The following WDR17 variants were observed in gnomAD, a reference collection of about 807,000 sequenced individuals.
WDR17 encodes WD repeat-containing protein 17.
Under a neutral mutation model 161.7 loss-of-function variants are expected in WDR17, and 143 were observed. The ratio of observed to expected loss-of-function variants is 0.88; its 90% CI spans 0.77 to 1.02. The LOEUF is 1.02. Among genes scored for constraint, WDR17 ranks in the 50% least tolerant of loss-of-function variants. WDR17 has a pLI of 0.00. For synonymous variants in WDR17, 517 were observed against 515.6 expected, an observed-to-expected ratio of 1.00 and a Z score of -0.04; for missense variants, 1,469 against 1,520.9, an observed-to-expected ratio of 0.97 and a Z score of 0.57.
At chr4:176,079,639 A>G (rs557001723) in intron 1 of WDR17, among the ~76,000 whole-genome samples, 2 of 152,234 alleles carry the variant, frequency 1.3e-5, no homozygotes, top group African/African-American at 2.4e-5. Context: ...ATACCTACAT[A>G]CATATGTTGT....
chr4:176,151,895 G>C lies in WDR17; in HGVS notation c.2388G>C (p.Lys796Asn). 1.2e-6 allele frequency: 2 copies of C among 1,613,368 alleles called. No homozygotes were observed. Among genetic ancestry groups the C allele is most frequent in the East Asian group, 4.5e-5 (2 of 44,798 alleles). The part of the protein sequence containing the change: ...IGVPAKEERL[K>N]EAAEIHLRLG... The stretch of plus-strand genomic sequence containing the variant: ...TACCTGCTAAAGAGGAAAGACTGAA[G>C]GAAGCTGCTGAAATCCACTTGAGAT... Residue 796 changes from lysine to asparagine, a missense_variant, in exon 17 of 29, where the codon AAG becomes AAC. Physicochemically the swap from Lys to Asn is moderately conservative, Grantham distance 94. Coordinates refer to ENST00000508596, the MANE Select transcript of WDR17 (RefSeq NM_181265.4).
intron 1 of WDR17, among the ~76,000 whole-genome samples, chr4:176,099,524 A>C (rs2126654448): frequency 6.6e-6 from 1 of 152,224 alleles, no homozygotes; most frequent in East Asian, 1.9e-4. Flanking sequence ...TGCTTCCAGC[A>C]GGGGGAGGGG....
intron 4 of WDR17, among the ~76,000 whole-genome samples, chr4:176,121,078 T>C (rs1741503112): frequency 6.6e-6 from 1 of 152,182 alleles, no homozygotes; most frequent in Non-Finnish European, 1.5e-5. Context: ...CTCTCTCAGC[T>C]CTTTGTACAC....
chr4:176,179,643 C>T lies in WDR17; in HGVS notation c.*64C>T. 7.1e-7 allele frequency: 1 copy of T among 1,416,292 alleles called. No individual in the cohort carries two copies. The highest frequency in any genetic ancestry group is 1.8e-5 in the South Asian group (1 of 55,272). The allele number at this position is 1,416,292 out of a possible 1,614,324, so 87.7% of individuals were successfully genotyped here. On this transcript the variant is annotated 3_prime_UTR_variant, in exon 29 of 29. Transcript: ENST00000508596. ...GAAAAACTTTCATGGGTTAGCATTA[C>T]CTTAATCTTTGTTGCTCAAGTGCCA...
At chr4:176,166,677 A>G (rs1305806778) in intron 22 of WDR17, among the ~76,000 whole-genome samples, 1 of 152,190 alleles carries the variant, frequency 6.6e-6, no homozygotes, top group East Asian at 1.9e-4. Context: ...TATTTTATAC[A>G]CAGTAAAAAC....
chr4:176,080,733 C>T (rs1427536912), intron 1 of WDR17, among the ~76,000 whole-genome samples: 2 of 152,052 alleles, frequency 1.3e-5, no homozygotes, highest in Admixed American at 6.6e-5. Flanking sequence ...TGCTTGAGAA[C>T]GTTCTCCTTT....
intron 22 of WDR17, among the ~76,000 whole-genome samples, chr4:176,165,644 T>C (rs1749668790): frequency 2.0e-5 from 3 of 152,114 alleles, no homozygotes; most frequent in Non-Finnish European, 4.4e-5. Flanking sequence ...ATTAAGAAAA[T>C]CGTAAGGAAG....
In WDR17 at chr4:176,137,540, G is replaced by A. The variant is rs1175232579; in HGVS notation, c.1288G>A (p.Gly430Arg). Residue 430 changes from glycine (G) to arginine (R), a missense_variant, in exon 9 of 29, where the codon GGG becomes AGG. Coordinates refer to ENST00000508596, the MANE Select transcript of WDR17 (RefSeq NM_181265.4). The stretch of plus-strand genomic sequence containing the variant: ...CTAAGGTGGTTTAAATTGTATTGCT[G>A]GGGGAACTTCCCGAAATGGTGCTTT... ...WAPGGLNCIA[G>R]GTSRNGAFIW... 1 of 1,601,660 alleles carries A rather than the reference G, an allele frequency of 6.2e-7. No individual in the cohort carries two copies.
intron 23 of WDR17, 142 bp downstream of exon 23, chr4:176,168,925 T>A: frequency 1.2e-6 from 1 of 852,678 alleles, no homozygotes; most frequent in Non-Finnish European, 1.7e-6. Context: ...AAAAGTGTTG[T>A]ACAATAGGAA....
At chr4:176,089,179 A>G (rs1298381084) in intron 1 of WDR17, among the ~76,000 whole-genome samples, 12 of 152,110 alleles carry the variant, frequency 7.9e-5, no homozygotes, top group Admixed American at 7.9e-4. Context: ...AATGTTTTAT[A>G]GCAGCAAAAT....
intron 3 of WDR17, among the ~76,000 whole-genome samples, chr4:176,117,371 AAC>A (rs1740810613): frequency 6.6e-6 from 1 of 152,048 alleles, no homozygotes; most frequent in African/African-American, 2.4e-5. Context: ...AATTTTAAAT[AAC>A]ACAACAAATT....
chr4:176,145,812 T>G (rs1451488741), intron 11 of WDR17, among the ~76,000 whole-genome samples, 183 bp from the exon 12 acceptor site: 1 of 152,214 alleles, frequency 6.6e-6, no homozygotes, highest in South Asian at 2.1e-4. Flanking sequence ...ACCATACTGG[T>G]GCAGTTTCTG....
intron 4 of WDR17, among the ~76,000 whole-genome samples, chr4:176,122,880 T>G (rs1422982148): frequency 2.0e-5 from 3 of 152,204 alleles, no homozygotes; most frequent in African/African-American, 7.2e-5. Flanking sequence ...TGTATACTTA[T>G]GTGTGTGTAT....
chr4:176,101,281 C>T (rs1268710889), intron 1 of WDR17, among the ~76,000 whole-genome samples: 1 of 152,064 alleles, frequency 6.6e-6, no homozygotes, highest in Non-Finnish European at 1.5e-5. Flanking sequence ...GTCATGGGCA[C>T]GTGACTGAGA....
intron 11 of WDR17, among the ~76,000 whole-genome samples, chr4:176,143,499 TAAAAAA>T (rs10646644): frequency 7.3e-6 from 1 of 137,146 alleles, no homozygotes; most frequent in South Asian, 2.3e-4. Flanking sequence ...CTTCGTCTCT[TAAAAAA>T]AAAAAAAAAA....
intron 1 of WDR17, among the ~76,000 whole-genome samples, chr4:176,096,139 T>C (rs1281520607): frequency 6.6e-6 from 1 of 152,076 alleles, no homozygotes; most frequent in Admixed American, 6.6e-5. Flanking sequence ...CATTTTCTGC[T>C]GCCCATTTTG....
rs757950257 is a variant in WDR17, at chr4:176,120,014, T to C, written c.455T>C (p.Ile152Thr). The C allele has an allele frequency of 4.3e-6, 7 of 1,614,094 alleles. No individual in the cohort carries two copies. Among genetic ancestry groups the C allele is most frequent in the Non-Finnish European group, 5.1e-6 (6 of 1,180,006 alleles). ...GATGCTCATAGCTTCTTGTCTGATATCTGTATGTTCAGATGGCATACACAC... is the reference window on the plus strand; with the variant it reads ...GATGCTCATAGCTTCTTGTCTGATACCTGTATGTTCAGATGGCATACACAC... ...HKDAHSFLSD[I>T]CMFRWHTHQK... Residue 152 changes from isoleucine to threonine, a missense_variant, in exon 4 of 29, where the codon ATC becomes ACC. By Grantham distance (89) the Ile-to-Thr change is moderately conservative. Transcript: ENST00000508596.
Position 176,131,695 on chromosome 4 carries a change from T to G in WDR17, c.1055T>G (p.Leu352Arg), listed in dbSNP as rs778121595. The G allele has an allele frequency of 3.1e-6, 5 of 1,613,002 alleles. No individual in the cohort carries two copies. The African/African-American group carries it at 6.7e-5, about 22-fold the overall frequency. Residue 352 changes from leucine to arginine, a missense_variant, in exon 7 of 29, where the codon CTT (leucine) becomes CGT (arginine). Coordinates refer to ENST00000508596, the MANE Select transcript of WDR17 (RefSeq NM_181265.4). ...VCCFLDGGVGLYDMGAKKWDF... is the reference protein window; with the variant it reads ...VCCFLDGGVGRYDMGAKKWDF... Reference sequence around the variant, plus strand: ...TGTTTCTTGGATGGTGGAGTTGGACTTTATGATATGGGAGCTAAGAAGTGG... The same window carrying G: ...TGTTTCTTGGATGGTGGAGTTGGACGTTATGATATGGGAGCTAAGAAGTGG...
At chr4:176,177,238 A>G (rs572006125) in intron 27 of WDR17, 82 bp downstream of exon 27, 3 of 1,260,880 alleles carry the variant, frequency 2.4e-6, no homozygotes, top group Non-Finnish European at 3.4e-6. Flanking sequence ...GTGTGGTCTC[A>G]TTAATTTTAG....
Sources: gnomAD v4.1 joint callset for allele counts (sites outside exome capture counted in the v4.1 genomes callset) on GRCh38, gnomAD v4.1.1 for gene constraint, MANE v1.5 for transcripts, NCBI Gene and HGNC (gene_info 2026-07-23, HGNC 2026-07-21) for gene names.